ZSWIM5: variants seen among roughly 807,000 people sequenced by gnomAD.
The protein encoded by ZSWIM5 is zinc finger SWIM-type containing 5.
A neutral mutation model predicts 119.6 loss-of-function variants in ZSWIM5; 55 were observed. The ratio of observed to expected loss-of-function variants is 0.46; its 90% CI spans 0.37 to 0.58. ZSWIM5 has a LOEUF of 0.58. ZSWIM5 is among the 20% of genes least tolerant of loss of function. The pLI is 0.00. For synonymous variants in ZSWIM5, 537 were observed against 606.9 expected, an observed-to-expected ratio of 0.88 and a Z score of 1.69; for missense variants, 1,193 against 1,512.8, an observed-to-expected ratio of 0.79 and a Z score of 3.51.
At chr1:45,204,513 T>C (rs935912059) in intron 1 of ZSWIM5, among the ~76,000 whole-genome samples, 2 of 152,202 alleles carry the variant, frequency 1.3e-5, no homozygotes, top group Non-Finnish European at 2.9e-5. Flanking sequence ...GCAAAACAAG[T>C]TGTGGTATGC....
rs1449072799 is a variant in ZSWIM5, at chr1:45,156,354, G to A, written c.595+49402C>T. ...ATTGAGTACTATCCTCACTATATGG[G>A]TGACAGGATCAATCATACCCCAAAC... On this transcript the variant is annotated intron_variant, in intron 1 of 13. Transcript: ENST00000359600. Among the ~76,000 whole-genome samples the A allele has an allele frequency of 1.3e-5, 2 of 151,852 alleles. 1 individual carries two copies. Among genetic ancestry groups the A allele is most frequent in the Non-Finnish European group, 2.9e-5 (2 of 67,986 alleles).
chr1:45,169,736 C>A (rs928567302), intron 1 of ZSWIM5, among the ~76,000 whole-genome samples: 2 of 152,026 alleles, frequency 1.3e-5, no homozygotes, highest in East Asian at 1.9e-4. Flanking sequence ...TAATTCAACT[C>A]ATATTATTAA....
Position 45,030,238 on chromosome 1 carries a change from C to T in ZSWIM5, c.2449+4074G>A, listed in dbSNP as rs561583670. 2.0e-4 allele frequency among the ~76,000 whole-genome samples: 30 copies of T among 152,082 alleles called. 1 individual carries two copies. The South Asian group carries it at 6.0e-3, about 31-fold the overall frequency. ...GGATTACAGGTGTGAGTCACTTTGG[C>T]CTTTAATGACTGAATGATTGATTGA... On this transcript the variant is annotated intron_variant, in intron 11 of 13. Coordinates refer to ENST00000359600, the MANE Select transcript of ZSWIM5 (RefSeq NM_020883.2).
At chr1:45,033,600 G>GA (rs34296100) in intron 11 of ZSWIM5, among the ~76,000 whole-genome samples, 50 of 150,946 alleles carry the variant, frequency 3.3e-4, no homozygotes, top group African/African-American at 9.0e-4. Context: ...CCAGGGCACT[G>GA]AAAAAAAAAT....
chr1:45,154,617 C>T (rs1479752997), intron 1 of ZSWIM5, among the ~76,000 whole-genome samples: 1 of 152,176 alleles, frequency 6.6e-6, no homozygotes, highest in African/African-American at 2.4e-5. Context: ...TGTGGTGGCT[C>T]ACGCCTGTAA....
intron 1 of ZSWIM5, among the ~76,000 whole-genome samples, chr1:45,160,989 ATTT>A (rs534599856): frequency 1.6e-5 from 2 of 122,650 alleles, no homozygotes; most frequent in Non-Finnish European, 3.5e-5. Context: ...GCCCGGCTAA[ATTT>A]TTTTTTTTTT....
chr1:45,119,343 T>C (rs1385311707), intron 1 of ZSWIM5, among the ~76,000 whole-genome samples: 1 of 152,222 alleles, frequency 6.6e-6, no homozygotes, highest in African/African-American at 2.4e-5. Flanking sequence ...TAGAAGTCTC[T>C]GTGAAATAAT....
intron 1 of ZSWIM5, among the ~76,000 whole-genome samples, chr1:45,140,327 G>C (rs757405665): frequency 6.6e-5 from 10 of 151,650 alleles, no homozygotes; most frequent in Non-Finnish European, 1.3e-4. Flanking sequence ...AGTTCCAACA[G>C]ATAGTGTGAT....
At chr1:45,133,055 A>G (rs1645667967) in intron 1 of ZSWIM5, among the ~76,000 whole-genome samples, 1 of 152,196 alleles carries the variant, frequency 6.6e-6, no homozygotes, top group African/African-American at 2.4e-5. Context: ...GCTACTGTGA[A>G]TAGTGCCACA....
At chr1:45,180,769 G>A (rs541215215) in intron 1 of ZSWIM5, among the ~76,000 whole-genome samples, 3 of 152,170 alleles carry the variant, frequency 2.0e-5, no homozygotes, top group East Asian at 3.9e-4. Context: ...CAGCATTCAC[G>A]GATCACGAAA....
chr1:45,027,230 TTTG>T (rs1312619138), intron 11 of ZSWIM5, among the ~76,000 whole-genome samples: 3 of 152,040 alleles, frequency 2.0e-5, no homozygotes, highest in Non-Finnish European at 4.4e-5. Flanking sequence ...TGCTCTAATT[TTTG>T]TTATCTATTT....
At position 45,165,378 on chromosome 1, in the gene ZSWIM5, T is replaced by C. The variant is rs1447939374; in HGVS notation, c.595+40378A>G. The stretch of plus-strand genomic sequence containing the variant: ...AAGAGAAAGCAGGAAAGATCTAAAA[T>C]TGACACCCTAACATAACAATTAAAA... On this transcript the variant is annotated intron_variant, in intron 1 of 13. Transcript: ENST00000359600. 1.8e-4 allele frequency among the ~76,000 whole-genome samples: 27 copies of C among 151,994 alleles called. 1 individual carries two copies. Among genetic ancestry groups the C allele is most frequent in the Admixed American group, 1.8e-3 (27 of 15,240 alleles).
chr1:45,069,914 A>T, intron 2 of ZSWIM5: 1 of 563,276 alleles, frequency 1.8e-6, no homozygotes, highest in East Asian at 3.0e-5. Flanking sequence ...GGACTGGTAC[A>T]GCCTTTAAAA....
chr1:45,158,148 T>C (rs1645841719), intron 1 of ZSWIM5, among the ~76,000 whole-genome samples: 1 of 152,162 alleles, frequency 6.6e-6, no homozygotes, highest in Non-Finnish European at 1.5e-5. Context: ...GTATGTATAC[T>C]ACTATACATA....
chr1:45,124,803 G>T lies in ZSWIM5; in HGVS notation c.596-36566C>A, dbSNP rs114099610. Among the ~76,000 whole-genome samples the T allele has an allele frequency of 3.5e-3, 530 of 152,234 alleles. 4 individuals are homozygous for T. Among genetic ancestry groups the T allele is most frequent in the African/African-American group, 0.012 (483 of 41,550 alleles). Reference sequence around the variant, plus strand: ...TGAAAACATTAATCAAAAGAAAGTAGTAGTTATATTACCAGAGGGACTTTA... The same window carrying T: ...TGAAAACATTAATCAAAAGAAAGTATTAGTTATATTACCAGAGGGACTTTA... On this transcript the variant is annotated intron_variant, in intron 1 of 13. Coordinates refer to ENST00000359600, the MANE Select transcript of ZSWIM5 (RefSeq NM_020883.2).
intron 2 of ZSWIM5, 47 bp from the exon 3 acceptor site, chr1:45,060,294 T>C: frequency 1.3e-6 from 2 of 1,593,522 alleles, no homozygotes; most frequent in Non-Finnish European, 1.7e-6. Context: ...GTTCACATGC[T>C]ACACATTCAG....
intron 1 of ZSWIM5, among the ~76,000 whole-genome samples, chr1:45,097,213 G>A (rs1391921508): frequency 6.6e-6 from 1 of 152,172 alleles, no homozygotes; most frequent in Non-Finnish European, 1.5e-5. Context: ...ATTAAGGCTG[G>A]GGAATCCCGA....
chr1:45,082,834 T>C (rs139039982), intron 2 of ZSWIM5, among the ~76,000 whole-genome samples: 1 of 152,162 alleles, frequency 6.6e-6, no homozygotes, highest in African/African-American at 2.4e-5. Context: ...ACAGTAGTAA[T>C]GAGGGAAGAG....
chr1:45,066,050 C>G (rs1391975591), intron 2 of ZSWIM5, among the ~76,000 whole-genome samples: 1 of 116,292 alleles, frequency 8.6e-6, no homozygotes, highest in Non-Finnish European at 1.6e-5. Flanking sequence ...GTGTGATGTT[C>G]CCCTTCCTGT....
Sources: allele counts gnomAD v4.1 joint callset (sites outside exome capture counted in the v4.1 genomes callset), GRCh38; gene constraint gnomAD v4.1.1; transcripts MANE v1.5; gene names NCBI Gene and HGNC (gene_info 2026-07-23, HGNC 2026-07-21).